Variants in MAML3 observed in about 807,000 individuals in gnomAD.
The protein encoded by MAML3 is mastermind-like protein 3.
Under a neutral mutation model 101.9 loss-of-function variants are expected in MAML3, and 27 were observed. That is an observed-to-expected ratio of 0.27 (90% CI 0.20 to 0.37). The LOEUF is 0.37. MAML3 is among the 10% of genes least tolerant of loss of function. The probability of loss-of-function intolerance (pLI) is 1.00; values close to 1 mark genes in which losing one functional copy is unlikely to be tolerated. For synonymous variants in MAML3, 501 were observed against 555.9 expected, an observed-to-expected ratio of 0.90 and a Z score of 1.39; for missense variants, 1,316 against 1,444.9, an observed-to-expected ratio of 0.91 and a Z score of 1.45.
At chr4:139,721,152 C>G (rs972006711) in intron 4 of MAML3, among the ~76,000 whole-genome samples, 3 of 152,224 alleles carry the variant, frequency 2.0e-5, no homozygotes, top group African/African-American at 7.2e-5. Context: ...GACTATTTCT[C>G]TCAGCAAATT....
intron 2 of MAML3, among the ~76,000 whole-genome samples, chr4:139,837,148 A>G (rs1560809330): frequency 1.3e-5 from 2 of 150,472 alleles, no homozygotes; most frequent in Non-Finnish European, 3.0e-5. Flanking sequence ...AAGAAAAGAA[A>G]AGAAAAAAAA....
chr4:139,899,838 T>C (rs1732681608), intron 1 of MAML3, among the ~76,000 whole-genome samples: 1 of 152,202 alleles, frequency 6.6e-6, no homozygotes, highest in Non-Finnish European at 1.5e-5. Context: ...AGCCAAGTGT[T>C]TAAAACCTCT....
intron 1 of MAML3, among the ~76,000 whole-genome samples, chr4:139,910,594 T>A (rs996616963): frequency 6.6e-6 from 1 of 152,196 alleles, no homozygotes; most frequent in Non-Finnish European, 1.5e-5. Flanking sequence ...CAGTTTTTGG[T>A]CAGGGAACTG....
chr4:140,151,314 C>G (rs962543049), intron 1 of MAML3, among the ~76,000 whole-genome samples: 2 of 151,332 alleles, frequency 1.3e-5, no homozygotes, highest in East Asian at 2.0e-4. Flanking sequence ...TGAGCGCCCC[C>G]GGAGAACTGG....
At chr4:139,780,139 A>G (rs1730172103) in intron 2 of MAML3, among the ~76,000 whole-genome samples, 1 of 152,246 alleles carries the variant, frequency 6.6e-6, no homozygotes, top group African/African-American at 2.4e-5. Context: ...CAGGCGTGTC[A>G]GCCACTTTTC....
chr4:140,115,935 T>C (rs1331748706), intron 1 of MAML3, among the ~76,000 whole-genome samples: 2 of 152,178 alleles, frequency 1.3e-5, no homozygotes, highest in Non-Finnish European at 2.9e-5. Flanking sequence ...TAATTCACAC[T>C]AGTGGAAGGT....
chr4:139,850,387 T>G (rs1189086682), intron 2 of MAML3, among the ~76,000 whole-genome samples: 1 of 152,214 alleles, frequency 6.6e-6, no homozygotes, highest in Admixed American at 6.5e-5. Context: ...GTTGTCCTGG[T>G]GACCTCTTTG....
intron 1 of MAML3, among the ~76,000 whole-genome samples, chr4:139,931,649 C>T (rs1380413834): frequency 6.6e-6 from 1 of 152,084 alleles, no homozygotes; most frequent in African/African-American, 2.4e-5. Context: ...CCAGGCTCAA[C>T]AATCCTCCTG....
At chr4:139,952,563 A>C (rs1422961985) in intron 1 of MAML3, among the ~76,000 whole-genome samples, 2 of 152,186 alleles carry the variant, frequency 1.3e-5, no homozygotes, top group African/African-American at 4.8e-5. Context: ...CAGTTAAAAA[A>C]AAACAAAACC....
intron 1 of MAML3, among the ~76,000 whole-genome samples, chr4:139,896,607 G>GGTGTGTGTGTGTAT (rs1732617552): frequency 6.9e-6 from 1 of 144,680 alleles, no homozygotes; most frequent in African/African-American, 2.6e-5. Context: ...CTGTGAAACT[G>GGTGTGTGTGTGTAT]GTGTGTGTGT....
chr4:140,072,785 T>C (rs1727683327), intron 1 of MAML3, among the ~76,000 whole-genome samples: 1 of 152,150 alleles, frequency 6.6e-6, no homozygotes, highest in Non-Finnish European at 1.5e-5. Flanking sequence ...CAGGGGGTCC[T>C]GTAGCCATCC....
At chr4:139,990,924 A>T (rs2110827148) in intron 1 of MAML3, among the ~76,000 whole-genome samples, 1 of 152,346 alleles carries the variant, frequency 6.6e-6, no homozygotes. Flanking sequence ...ATGGAAGAAC[A>T]TTCCATGCTC....
chr4:140,037,162 G>A lies in MAML3; in HGVS notation c.468+115698C>T, dbSNP rs558629517. On this transcript the variant is annotated intron_variant, in intron 1 of 4. Transcript: ENST00000509479. ...GGGAAAGTGAGGCACTAAGAACCCT[G>A]ATGTTTTTGTTCCCAGAAAACCTGA... Among the ~76,000 whole-genome samples the A allele has an allele frequency of 2.7e-5, 4 of 149,792 alleles. No homozygotes were observed. In the East Asian group the frequency reaches 6.0e-4, roughly 22 times the overall value.
chr4:139,783,594 C>CT (rs1455862172), intron 2 of MAML3, among the ~76,000 whole-genome samples: 1 of 152,210 alleles, frequency 6.6e-6, no homozygotes, highest in Non-Finnish European at 1.5e-5. Context: ...AGCCCTGTGT[C>CT]TTTCTGTTGG....
At chr4:139,985,236 T>C (rs12505942) in intron 1 of MAML3, among the ~76,000 whole-genome samples, 36,496 of 152,180 alleles carry the variant, frequency 0.24, 5,608 homozygotes, top group Non-Finnish European at 0.34. Flanking sequence ...AGTCTAGAAG[T>C]AATAAAGTTG....
In MAML3 at chr4:139,721,799, T is replaced by C. The variant is rs564683962; in HGVS notation, c.2417-1476A>G. ...TTAAGCTTCATTATATCTAAGTGAT[T>C]TTTTGAAAAATCGAAAGTTCCTAGT... On this transcript the variant is annotated intron_variant, in intron 4 of 4. Transcript: ENST00000509479. Among the ~76,000 whole-genome samples, 6 of 152,336 alleles carry C rather than the reference T, an allele frequency of 3.9e-5. No homozygotes were observed. In the East Asian group the frequency reaches 1.2e-3, roughly 29 times the overall value.
intron 1 of MAML3, among the ~76,000 whole-genome samples, chr4:139,916,611 A>T (rs997077562): frequency 1.3e-5 from 2 of 152,240 alleles, no homozygotes; most frequent in Admixed American, 1.3e-4. Context: ...AGCACTTAAA[A>T]GTCGAGAGGG....
intron 1 of MAML3, among the ~76,000 whole-genome samples, chr4:139,973,215 G>A (rs184849277): frequency 1.2e-4 from 19 of 152,308 alleles, no homozygotes; most frequent in Non-Finnish European, 2.2e-4. Context: ...ATAGGGCCAG[G>A]CCGTGGGTCA....
chr4:139,790,289 CTA>C (rs1422365659), intron 2 of MAML3, among the ~76,000 whole-genome samples: 1 of 143,098 alleles, frequency 7.0e-6, no homozygotes, highest in Admixed American at 7.0e-5. Context: ...AATATATACC[CTA>C]TATATATAAT....
Sources: gnomAD v4.1 joint callset for allele counts (sites outside exome capture counted in the v4.1 genomes callset) on GRCh38, gnomAD v4.1.1 for gene constraint, MANE v1.5 for transcripts, NCBI Gene and HGNC (gene_info 2026-07-23, HGNC 2026-07-21) for gene names.